The following GNA15 variants were observed in gnomAD, a reference collection of about 807,000 sequenced individuals.
GNA15 encodes the protein guanine nucleotide-binding protein subunit alpha-15.
Under a neutral mutation model 40.1 loss-of-function variants are expected in GNA15, and 23 were observed. The ratio of observed to expected loss-of-function variants is 0.57; its 90% CI spans 0.41 to 0.81. The LOEUF (loss-of-function observed/expected upper bound fraction) is 0.81, where lower values mean the gene tolerates loss of function less well. GNA15 is among the 40% of genes least tolerant of loss of function. The pLI is 0.00. For missense variants in GNA15, 522 were observed against 515.8 expected, an observed-to-expected ratio of 1.01 and a Z score of -0.12; for synonymous variants, 226 against 210.4, an observed-to-expected ratio of 1.07 and a Z score of -0.64.
At chr19:3,162,467 C>T (rs1568300573) in intron 6 of GNA15, among the ~76,000 whole-genome samples, 6 of 152,236 alleles carry the variant, frequency 3.9e-5, no homozygotes, top group Middle Eastern at 3.4e-3. Flanking sequence ...TTTGTCTATG[C>T]GATTCCAGTC....
chr19:3,158,548 C>G (rs1306962267), intron 6 of GNA15, among the ~76,000 whole-genome samples: 1 of 152,176 alleles, frequency 6.6e-6, no homozygotes, highest in Non-Finnish European at 1.5e-5. Context: ...TTGTAAAGCA[C>G]TTCTGGAAAG....
rs1637656 is a variant in GNA15, at chr19:3,162,911, C to T, written c.1017C>T (p.Leu339=). The part of the protein sequence containing the change: ...GSKKGARSRR[L]FSHYTCATDT... ...AGAAGGGCGCACGATCCCGACGCCT[C>T]TTCAGCCACTACACATGTGCCACAG... is the stretch of plus-strand genomic sequence containing the variant. The change falls in exon 7 of 7, where the codon CTC becomes CTT. Residue 339 remains leucine, a synonymous_variant. Transcript: ENST00000262958. 364,364 of 1,613,630 alleles carry T rather than the reference C, an allele frequency of 0.23. 43,312 individuals are homozygous for T. Among genetic ancestry groups the T allele is most frequent in the Non-Finnish European group, 0.25 (290,940 of 1,179,626 alleles).
At position 3,136,485 on chromosome 19, in the gene GNA15, G is replaced by C. The variant is rs1159293046; in HGVS notation, c.35G>C (p.Trp12Ser). The change falls in exon 1 of 7, where the codon TGG (tryptophan) becomes TCG (serine). Residue 12 changes from tryptophan (W) to serine (S), a missense_variant. Coordinates refer to ENST00000262958, the MANE Select transcript of GNA15 (RefSeq NM_002068.4). This position sits in a 1 kb window ranked among gnomAD's most constrained non-coding sequence, Gnocchi z 4.9. ...TCGCTGACCTGGCGCTGCTGCCCCT[G>C]GTGCCTGACGGAGGATGAGAAGGCC... is the stretch of plus-strand genomic sequence containing the variant. ...ARSLTWRCCP[W>S]CLTEDEKAAA... 2 of 1,554,592 alleles carry C rather than the reference G, an allele frequency of 1.3e-6. No homozygotes were observed. The highest frequency in any genetic ancestry group is 1.7e-6 in the Non-Finnish European group (2 of 1,149,790).
At position 3,163,179 on chromosome 19, in the gene GNA15, C is replaced by G; in HGVS notation, c.*160C>G. On this transcript the variant is annotated 3_prime_UTR_variant, in exon 7 of 7. Coordinates refer to ENST00000262958, the MANE Select transcript of GNA15 (RefSeq NM_002068.4). ...CTGCTGGCCGCTCTCTTCTCTGCCT[C>G]TCACCAGGACAGCCGCCCCCCAGGG... 1 of 610,160 alleles carries G rather than the reference C, an allele frequency of 1.6e-6. No individual in the cohort carries two copies. Among genetic ancestry groups the G allele is most frequent in the Non-Finnish European group, 2.9e-6 (1 of 341,506 alleles). 37.8% of individuals were successfully genotyped at this position (610,160 alleles called of 1,614,324 possible). A position where few individuals can be genotyped will look rare whatever the true frequency, so the allele number is the denominator to read the frequency against.
rs1470559820 is a variant in GNA15 at position 3,136,384 on chromosome 19, G to A, written c.-67G>A. On this transcript the variant is annotated 5_prime_UTR_variant, in exon 1 of 7. Transcript: ENST00000262958. The surrounding 1 kb of genome is among the most constrained non-coding windows in gnomAD (Gnocchi z 4.9). ...AGCCCTCTCCAGGGCCGGCTGGGCT[G>A]GGGGTTGCCCTGGCCAGCAGGGGCC... is the stretch of plus-strand genomic sequence containing the variant. 8 of 1,489,544 alleles carry A rather than the reference G, an allele frequency of 5.4e-6. No homozygotes were observed. In the Admixed American group the frequency reaches 6.6e-5, roughly 12 times the overall value. 92.3% of individuals were successfully genotyped at this position (1,489,544 alleles called of 1,614,324 possible).
chr19:3,147,164 T>C (rs1914743760), intron 1 of GNA15, among the ~76,000 whole-genome samples: 1 of 152,222 alleles, frequency 6.6e-6, no homozygotes, highest in African/African-American at 2.4e-5. Flanking sequence ...TAATTACTCC[T>C]TGCCCTATTT....
chr19:3,155,307 G>A lies in GNA15; in HGVS notation c.615-516G>A, dbSNP rs1281582693. ...CTCAGAAGAGAGAGAACAGGAAGGT[G>A]GGGGCAGGGTTCAGGCTTTTGTTAC... On this transcript the variant is annotated intron_variant, in intron 4 of 6. Transcript: ENST00000262958. The surrounding 1 kb of genome is among the most constrained non-coding windows in gnomAD (Gnocchi z 5.6). The A allele has an allele frequency of 6.5e-6, 1 of 153,488 alleles. No individual in the cohort carries two copies. The highest frequency in any genetic ancestry group is 1.5e-5 in the Non-Finnish European group (1 of 68,930). The allele number at this position is 153,488 out of a possible 1,614,324, so 9.5% of individuals were successfully genotyped here.
intron 1 of GNA15, among the ~76,000 whole-genome samples, chr19:3,138,380 G>T (rs1450894922): frequency 6.6e-6 from 1 of 152,000 alleles, no homozygotes. Context: ...CGGGATGCTA[G>T]CCTGGGAGGG....
At position 3,136,656 on chromosome 19, in the gene GNA15, G is replaced by A; in HGVS notation, c.145+61G>A. On this transcript the variant is annotated intron_variant, in intron 1 of 6. Transcript: ENST00000262958. This position sits in a 1 kb window ranked among gnomAD's most constrained non-coding sequence, Gnocchi z 4.9. ...AGTGGGCGGTGGCCAGCCGGCAGGG[G>A]TGTCGGGGCAAGGAGGCGGATCAGG... 2 of 1,471,266 alleles carry A rather than the reference G, an allele frequency of 1.4e-6. No individual in the cohort carries two copies. The highest frequency in any genetic ancestry group is 2.0e-5 in the Admixed American group (1 of 50,064). The allele number at this position is 1,471,266 out of a possible 1,614,324, so 91.1% of individuals were successfully genotyped here.
At chr19:3,144,760 C>A (rs192468841) in intron 1 of GNA15, among the ~76,000 whole-genome samples, 1 of 151,356 alleles carries the variant, frequency 6.6e-6, no homozygotes, top group Middle Eastern at 3.2e-3. Context: ...GATCTCCTGA[C>A]CTCGTGATCC....
chr19:3,140,342 C>T (rs1421795235), intron 1 of GNA15, among the ~76,000 whole-genome samples: 4 of 152,074 alleles, frequency 2.6e-5, no homozygotes, highest in East Asian at 3.8e-4. Context: ...CTCTTGGTAT[C>T]GATCATTTCT....
intron 6 of GNA15, among the ~76,000 whole-genome samples, chr19:3,159,323 C>G (rs1184568496): frequency 6.8e-6 from 1 of 147,856 alleles, no homozygotes; most frequent in East Asian, 2.0e-4. Flanking sequence ...CGTGCCCAGT[C>G]TATTTTTTCT....
At chr19:3,161,587 C>T (rs1303019308) in intron 6 of GNA15, among the ~76,000 whole-genome samples, 1 of 152,012 alleles carries the variant, frequency 6.6e-6, no homozygotes, top group African/African-American at 2.4e-5. Flanking sequence ...TCTTCCTTGC[C>T]AAGCAGCCCT....
Position 3,136,789 on chromosome 19 carries a change from C to A in GNA15, c.145+194C>A, listed in dbSNP as rs376134188. Among the ~76,000 whole-genome samples the A allele has an allele frequency of 2.0e-5, 3 of 152,236 alleles. No homozygotes were observed. The highest frequency in any genetic ancestry group is 2.9e-5 in the Non-Finnish European group (2 of 68,040). On this transcript the variant is annotated intron_variant, in intron 1 of 6. Transcript: ENST00000262958. This position sits in a 1 kb window ranked among gnomAD's most constrained non-coding sequence, Gnocchi z 4.9. ...ACTGAGGTTCAGAGAAGCCAAGTTC[C>A]TTGTCCAACGTGCGACCAGCGGCCA...
At chr19:3,140,908 A>T (rs1220871960) in intron 1 of GNA15, among the ~76,000 whole-genome samples, 1 of 152,180 alleles carries the variant, frequency 6.6e-6, no homozygotes, top group Non-Finnish European at 1.5e-5. Flanking sequence ...AGGGCAGGGG[A>T]TGACATCCAT....
chr19:3,156,465 C>T lies in GNA15; in HGVS notation c.744+513C>T, dbSNP rs567989100. Reference sequence around the variant, plus strand: ...CAGTACACACATGCACACGCACACACAGGCACACACACGCACACACAGGCA... The same window carrying T: ...CAGTACACACATGCACACGCACACATAGGCACACACACGCACACACAGGCA... On this transcript the variant is annotated intron_variant, in intron 5 of 6. Coordinates refer to ENST00000262958, the MANE Select transcript of GNA15 (RefSeq NM_002068.4). Among the ~76,000 whole-genome samples the T allele has an allele frequency of 2.2e-5, 3 of 139,426 alleles. No homozygotes were observed. In the South Asian group the frequency reaches 6.9e-4, roughly 32 times the overall value. The allele number at this position is 139,426 out of a possible 152,430, so 91.5% of individuals were successfully genotyped here. A position where few individuals can be genotyped will look rare whatever the true frequency, so the allele number is the denominator to read the frequency against.
At chr19:3,147,389 C>G (rs942003293) in intron 1 of GNA15, among the ~76,000 whole-genome samples, 54 of 151,206 alleles carry the variant, frequency 3.6e-4, no homozygotes, top group African/African-American at 1.3e-3. Flanking sequence ...CACAGCTGTA[C>G]TAAAAATACA....
At position 3,150,263 on chromosome 19, in the gene GNA15, C is replaced by T. The variant is rs764054033; in HGVS notation, c.463C>T (p.His155Tyr). ...RACYERRREF[H>Y]LLDSAVYYLS... ...CTGCTATGAGCGTCGGCGGGAATTC[C>T]ACCTGCTCGATTCAGCCGTGTAGTG... Residue 155 changes from histidine (H) to tyrosine (Y), a missense_variant, in exon 3 of 7, where the codon CAC (histidine) becomes TAC (tyrosine). By Grantham distance (83) the His-to-Tyr change is moderately conservative (BLOSUM62 2). Coordinates refer to ENST00000262958, the MANE Select transcript of GNA15 (RefSeq NM_002068.4). 3.7e-6 allele frequency: 6 copies of T among 1,600,982 alleles called. No individual in the cohort carries two copies. Among genetic ancestry groups the T allele is most frequent in the Non-Finnish European group, 4.3e-6 (5 of 1,173,838 alleles).
At chr19:3,147,885 C>T (rs535793857) in intron 1 of GNA15, among the ~76,000 whole-genome samples, 156 of 73,500 alleles carry the variant, frequency 2.1e-3, no homozygotes, top group Non-Finnish European at 3.1e-3. Flanking sequence ...AAGACTCCAT[C>T]TCAAAAAAAA....
Sources: gnomAD v4.1 joint callset for allele counts (sites outside exome capture counted in the v4.1 genomes callset) on GRCh38, gnomAD v4.1.1 for gene constraint, Gnocchi (gnomAD v3.1) non-coding constraint, MANE v1.5 for transcripts, NCBI Gene and HGNC (gene_info 2026-07-23, HGNC 2026-07-21) for gene names.